Variants in NAA20 observed in about 807,000 individuals in gnomAD.
NAA20 encodes the protein N-alpha-acetyltransferase 20.
Under a neutral mutation model 23.8 loss-of-function variants are expected in NAA20, and 24 were observed. The observed-to-expected ratio is 1.01, with a 90% CI of 0.73 to 1.42. The LOEUF is 1.42. NAA20 is among the 40% of genes most tolerant of loss of function. The pLI is 0.00. For synonymous variants in NAA20, 83 were observed against 77.7 expected (o/e 1.07, Z -0.36); for missense variants, 166 against 223.1 (o/e 0.74, Z 1.63).
intron 5 of NAA20, 21 bp downstream of exon 5, chr20:20,032,674 G>A: frequency 6.4e-7 from 1 of 1,559,610 alleles, no homozygotes; most frequent in Non-Finnish European, 8.7e-7. Flanking sequence ...TTCCATGGCA[G>A]TATCCCCAAG....
chr20:20,025,028 G>T (rs1034227757), intron 2 of NAA20, among the ~76,000 whole-genome samples: 2 of 152,168 alleles, frequency 1.3e-5, no homozygotes, highest in Non-Finnish European at 2.9e-5. Flanking sequence ...ATATCCCAAG[G>T]TTGAAGAGTG....
At chr20:20,018,063 T>A (rs2043243507) in intron 1 of NAA20, 1 of 1,614,064 alleles carries the variant, frequency 6.2e-7, no homozygotes. Flanking sequence ...CAAGTTTAGT[T>A]ACTGTAGCTG....
chr20:20,029,004 A>C (rs1271221995), intron 4 of NAA20, among the ~76,000 whole-genome samples: 1 of 152,124 alleles, frequency 6.6e-6, no homozygotes, highest in Non-Finnish European at 1.5e-5. Context: ...ATCTCAGCTC[A>C]CTGCAACGTC....
intron 2 of NAA20, among the ~76,000 whole-genome samples, chr20:20,022,857 A>G (rs553120133): frequency 6.6e-6 from 1 of 152,266 alleles, no homozygotes; most frequent in South Asian, 2.1e-4. Flanking sequence ...TTCCATGAAG[A>G]CACCAACAGC....
chr20:20,017,858 T>C, intron 1 of NAA20: 2 of 1,553,814 alleles, frequency 1.3e-6, no homozygotes, highest in South Asian at 1.2e-5. Context: ...GGGCCGCGCC[T>C]CTTCTGGGCA....
chr20:20,028,741 A>C (rs1048662685), intron 4 of NAA20, among the ~76,000 whole-genome samples: 1 of 152,194 alleles, frequency 6.6e-6, no homozygotes, highest in African/African-American at 2.4e-5. Flanking sequence ...AGTGCATACA[A>C]TGTATACATT....
In NAA20 at chr20:20,033,215, C is replaced by T; in HGVS notation, c.*28C>T. The T allele has an allele frequency of 2.0e-6, 3 of 1,495,458 alleles. No homozygotes were observed. Among genetic ancestry groups the T allele is most frequent in the East Asian group, 2.3e-5 (1 of 44,256 alleles). 92.6% of individuals were successfully genotyped at this position (1,495,458 alleles called of 1,614,324 possible). On this transcript the variant is annotated 3_prime_UTR_variant, in exon 6 of 6. Transcript: ENST00000334982. ...CTGGGCAGTGGTTCTTAGGCAGATA[C>T]TCTAGATGCTTTATGGACAATATTA... is the stretch of plus-strand genomic sequence containing the variant.
chr20:20,018,086 T>G, intron 1 of NAA20: 1 of 1,613,918 alleles, frequency 6.2e-7, no homozygotes, highest in Non-Finnish European at 8.5e-7. Context: ...CACCCCGGTG[T>G]ACACACCTTT....
intron 1 of NAA20, chr20:20,017,660 C>G: frequency 7.3e-7 from 1 of 1,372,488 alleles, no homozygotes; most frequent in East Asian, 2.6e-5. Context: ...CCGGCCTTGG[C>G]GACCTTGGCC....
At chr20:20,019,477 A>G (rs62203271) in intron 1 of NAA20, among the ~76,000 whole-genome samples, 4,497 of 152,346 alleles carry the variant, frequency 0.03, 102 homozygotes, top group Non-Finnish European at 0.048. Flanking sequence ...TTTTACATGG[A>G]AATGAATAGA....
rs774244065 is a variant in NAA20, at chr20:20,017,367, C to G, written c.-30C>G. 6.2e-7 allele frequency: 1 copy of G among 1,610,226 alleles called. No individual in the cohort carries two copies. Among genetic ancestry groups the G allele is most frequent in the Admixed American group, 1.7e-5 (1 of 59,854 alleles). Reference sequence around the variant, plus strand: ...CGGCAGGGCGGGCGCGGGGTCTTGGCGAACGGTCTTCGGAAGCGGCGGCGG... The same window carrying G: ...CGGCAGGGCGGGCGCGGGGTCTTGGGGAACGGTCTTCGGAAGCGGCGGCGG... On this transcript the variant is annotated 5_prime_UTR_variant, in exon 1 of 6. Coordinates refer to ENST00000334982, the MANE Select transcript of NAA20 (RefSeq NM_016100.5).
chr20:20,020,856 C>T (rs1320220669), intron 1 of NAA20, among the ~76,000 whole-genome samples: 1 of 152,092 alleles, frequency 6.6e-6, no homozygotes, highest in African/African-American at 2.4e-5. Context: ...TGGCTCAGTG[C>T]ACATCATATT....
At chr20:20,017,538 C>G in intron 1 of NAA20, 89 bp downstream of exon 1, 1 of 1,503,702 alleles carries the variant, frequency 6.7e-7, no homozygotes, top group Non-Finnish European at 8.9e-7. Context: ...GCCTTCCCGG[C>G]CGGACCCCAA....
intron 4 of NAA20, among the ~76,000 whole-genome samples, chr20:20,027,713 G>A (rs2043315178): frequency 6.6e-6 from 1 of 151,722 alleles, no homozygotes; most frequent in South Asian, 2.1e-4. Flanking sequence ...GACACCTTAG[G>A]GCACCTGAGT....
intron 2 of NAA20, 72 bp downstream of exon 2, chr20:20,022,552 A>C (rs74802177): frequency 0.095 from 128,647 of 1,348,770 alleles, 6,534 homozygotes; most frequent in Middle Eastern, 0.13. Flanking sequence ...AAATGAAAGG[A>C]AAACAGAGGA....
chr20:20,025,737 G>A lies in NAA20; in HGVS notation c.139G>A (p.Glu47Lys). The change falls in exon 3 of 6, where the codon GAG (glutamate) becomes AAG (lysine). Residue 47 changes from glutamate (E) to lysine (K), a missense_variant. Transcript: ENST00000334982. ...AHWPEYFIVA[E>K]APGGELMGYI... ...CTGGCCAGAGTATTTCATTGTTGCA[G>A]AGGCACCTGGTGGAGAATTAATGGG... 2.5e-6 allele frequency: 4 copies of A among 1,610,610 alleles called. No individual in the cohort carries two copies. Among genetic ancestry groups the A allele is most frequent in the Non-Finnish European group, 3.4e-6 (4 of 1,176,852 alleles).
In NAA20 at chr20:20,032,618, C is replaced by A; in HGVS notation, c.416C>A (p.Ser139Ter). 6.2e-7 allele frequency: 1 copy of A among 1,607,620 alleles called. No homozygotes were observed. The highest frequency in any genetic ancestry group is 8.5e-7 in the Non-Finnish European group (1 of 1,177,244). ...SVYRTVIEYYSASNGEPDEDA... is the reference protein window; with the variant it reads ...SVYRTVIEYY The stretch of plus-strand genomic sequence containing the variant: ...TATAGGACGGTCATAGAGTACTATT[C>A]GGCCAGCAACGGGGAGCCTGATGAG... Residue 139 changes from serine (S) to a stop codon, truncating the protein, a stop_gained, in exon 5 of 6, where the codon TCG becomes TAG. Transcript: ENST00000334982. LOFTEE classifies it high-confidence loss of function.
chr20:20,023,930 T>G (rs765745969), intron 2 of NAA20, among the ~76,000 whole-genome samples: 2 of 152,152 alleles, frequency 1.3e-5, no homozygotes, highest in African/African-American at 2.4e-5. Context: ...AAGCTGAAAA[T>G]AAGAAGAAAT....
chr20:20,022,364 C>T, intron 1 of NAA20, 92 bp from the exon 2 acceptor site: 1 of 1,285,992 alleles, frequency 7.8e-7, no homozygotes, highest in Non-Finnish European at 1.1e-6. Flanking sequence ...TTTTGTTTTC[C>T]TTGTGGCATA....
Sources: gnomAD v4.1 joint callset for allele counts (sites outside exome capture counted in the v4.1 genomes callset) on GRCh38, gnomAD v4.1.1 for gene constraint, MANE v1.5 for transcripts, NCBI Gene and HGNC (gene_info 2026-07-23, HGNC 2026-07-21) for gene names.